Variants in RAB19 observed in about 807,000 individuals in gnomAD.
RAB19 encodes the protein RAB19, member RAS oncogene family.
A neutral mutation model predicts 17.3 loss-of-function variants in RAB19; 21 were observed. That is an observed-to-expected ratio of 1.21 (90% CI 0.86 to 1.74). RAB19 has a LOEUF of 1.74. Ranked by LOEUF, RAB19 falls within the 40% of genes most tolerant of loss-of-function variation. The probability of loss-of-function intolerance (pLI) is 0.00; values close to 1 mark genes in which losing one functional copy is unlikely to be tolerated. For synonymous variants in RAB19, 126 were observed against 110.4 expected, an observed-to-expected ratio of 1.14 and a Z score of -0.88; for missense variants, 277 against 286.8, an observed-to-expected ratio of 0.97 and a Z score of 0.25.
chr7:140,406,269 A>G (rs1165462828), intron 1 of RAB19, among the ~76,000 whole-genome samples: 20 of 143,840 alleles, frequency 1.4e-4, no homozygotes, highest in Non-Finnish European at 2.7e-4. Flanking sequence ...AAAAAAAAAA[A>G]GGAAATATAT....
chr7:140,409,374 AGAG>A (rs887177052), intron 2 of RAB19, among the ~76,000 whole-genome samples: 5 of 151,270 alleles, frequency 3.3e-5, no homozygotes, highest in African/African-American at 1.2e-4. Flanking sequence ...AAAAAAAGAA[AGAG>A]GTCAAATTTT....
At chr7:140,412,987 G>C (rs527660520) in intron 3 of RAB19, among the ~76,000 whole-genome samples, 3 of 151,902 alleles carry the variant, frequency 2.0e-5, no homozygotes, top group African/African-American at 7.3e-5. Flanking sequence ...TTAGCTGAGC[G>C]TGGTGGTGCA....
rs533471165 is a variant in RAB19 at position 140,407,921 on chromosome 7, C to T, written c.201+74C>T. 1.5e-4 allele frequency: 162 copies of T among 1,089,450 alleles called. 2 individuals carry two copies. In the East Asian group the frequency reaches 4.2e-3, roughly 28 times the overall value. The allele number at this position is 1,089,450 out of a possible 1,614,324, so 67.5% of individuals were successfully genotyped here. A position where few individuals can be genotyped will look rare whatever the true frequency, so the allele number is the denominator to read the frequency against. On this transcript the variant is annotated intron_variant, in intron 2 of 3. Transcript: ENST00000537763. ...TTTTTTTTTTTCCTTGAGACGGAGT[C>T]TCGCGCGATCTCGGCTCACTGCAAG...
At chr7:140,411,721 A>G in intron 2 of RAB19, 153 bp from the exon 3 acceptor site, 1 of 1,491,282 alleles carries the variant, frequency 6.7e-7, no homozygotes, top group South Asian at 1.4e-5. Context: ...AGCAACTGAA[A>G]GAATAGATCC....
chr7:140,420,933 C>T (rs188872262), intron 3 of RAB19, among the ~76,000 whole-genome samples: 2 of 152,152 alleles, frequency 1.3e-5, no homozygotes, highest in Non-Finnish European at 2.9e-5. Context: ...TGCTCTGTCG[C>T]CCAGGTTGGA....
chr7:140,414,154 C>A (rs1799414486), intron 3 of RAB19, among the ~76,000 whole-genome samples: 1 of 152,270 alleles, frequency 6.6e-6, no homozygotes, highest in African/African-American at 2.4e-5. Context: ...AAGCAATTCT[C>A]CTGCCTCAGC....
At chr7:140,415,141 C>G (rs1417404170) in intron 3 of RAB19, among the ~76,000 whole-genome samples, 1 of 151,132 alleles carries the variant, frequency 6.6e-6, no homozygotes, top group Non-Finnish European at 1.5e-5. Context: ...GTAGTGCAAT[C>G]TCGGCTCACT....
At chr7:140,418,881 G>C in intron 3 of RAB19, among the ~76,000 whole-genome samples, 1 of 147,594 alleles carries the variant, frequency 6.8e-6, no homozygotes, top group East Asian at 2.0e-4. Flanking sequence ...AAAGAATATT[G>C]CCAGCCCACT....
At chr7:140,418,875 A>C (rs1242755117) in intron 3 of RAB19, among the ~76,000 whole-genome samples, 1 of 145,764 alleles carries the variant, frequency 6.9e-6, no homozygotes, top group East Asian at 2.0e-4. Flanking sequence ...AAAAAAAAAG[A>C]ATATTGCCAG....
rs1799685662 is a variant in RAB19, at chr7:140,427,130, C to T, written c.*980C>T. On this transcript the variant is annotated 3_prime_UTR_variant, in exon 4 of 4. Coordinates refer to ENST00000537763, the MANE Select transcript of RAB19 (RefSeq NM_001008749.3). ...GTGCTGGGATTACAGGCATGAGCCA[C>T]CATGCCTGTTCTTTTTTTTTTTTTT... Among the ~76,000 whole-genome samples, 1 of 148,010 alleles carries T rather than the reference C, an allele frequency of 6.8e-6. No individual in the cohort carries two copies. The highest frequency in any genetic ancestry group is 2.5e-5 in the African/African-American group (1 of 39,930).
At chr7:140,407,444 G>A (rs1212240469) in intron 1 of RAB19, 180 bp from the exon 2 acceptor site, 2 of 563,790 alleles carry the variant, frequency 3.5e-6, no homozygotes, top group African/African-American at 1.9e-5. Context: ...CACCCCTAAA[G>A]TAAGATCAAC....
In RAB19 at chr7:140,427,673, A is replaced by G. The variant is rs1163069738; in HGVS notation, c.*1523A>G. 6.6e-6 allele frequency among the ~76,000 whole-genome samples: 1 copy of G among 151,654 alleles called. No individual in the cohort carries two copies. Among genetic ancestry groups the G allele is most frequent in the Non-Finnish European group, 1.5e-5 (1 of 67,964 alleles). On this transcript the variant is annotated 3_prime_UTR_variant, in exon 4 of 4. Coordinates refer to ENST00000537763, the MANE Select transcript of RAB19 (RefSeq NM_001008749.3). ...CACCACGTTGGCCAGGCTGGTCTCG[A>G]ACTCCTGACCTCATGATCCACCTGT... is the stretch of plus-strand genomic sequence containing the variant.
intron 2 of RAB19, among the ~76,000 whole-genome samples, chr7:140,410,585 C>T (rs1487796922): frequency 1.3e-5 from 2 of 152,048 alleles, no homozygotes; most frequent in African/African-American, 4.8e-5. Context: ...CTCGGCCTCC[C>T]AAAGTGCTGG....
intron 3 of RAB19, among the ~76,000 whole-genome samples, chr7:140,425,384 C>G (rs1799644620): frequency 6.6e-6 from 1 of 152,102 alleles, no homozygotes; most frequent in South Asian, 2.1e-4. Context: ...CTCCATCTCA[C>G]ACAGCATCCA....
Position 140,409,824 on chromosome 7 carries a change from T to G in RAB19, c.201+1977T>G, listed in dbSNP as rs185089988. Among the ~76,000 whole-genome samples, 464 of 151,740 alleles carry G rather than the reference T, an allele frequency of 3.1e-3. 5 individuals are homozygous for G. The highest frequency in any genetic ancestry group is 0.011 in the African/African-American group (449 of 41,370). On this transcript the variant is annotated intron_variant, in intron 2 of 3. Transcript: ENST00000537763. ...CTGGCTAACACGGTGAAACCCCGTC[T>G]CTACTAAAAATACAAAAAATCAGCC...
intron 3 of RAB19, 117 bp downstream of exon 3, chr7:140,412,174 G>A (rs998659256): frequency 2.8e-5 from 31 of 1,091,690 alleles, no homozygotes; most frequent in Non-Finnish European, 3.7e-5. Context: ...TGATGCAGCC[G>A]GGCACAGTGG....
At chr7:140,413,611 G>A (rs1799404890) in intron 3 of RAB19, among the ~76,000 whole-genome samples, 1 of 152,074 alleles carries the variant, frequency 6.6e-6, no homozygotes, top group Non-Finnish European at 1.5e-5. Flanking sequence ...TGGGGTGGGG[G>A]GAATCACTTG....
chr7:140,420,247 C>A (rs1483351328), intron 3 of RAB19, among the ~76,000 whole-genome samples: 1 of 151,984 alleles, frequency 6.6e-6, no homozygotes, highest in Admixed American at 6.6e-5. Context: ...ATGGCGAAAC[C>A]CCGTCTCTAC....
intron 3 of RAB19, among the ~76,000 whole-genome samples, chr7:140,412,654 C>A (rs934299164): frequency 6.6e-6 from 1 of 151,362 alleles, no homozygotes; most frequent in African/African-American, 2.4e-5. Flanking sequence ...AGGCATGAGC[C>A]ATTGTGCCTG....
Sources: allele counts gnomAD v4.1 joint callset (sites outside exome capture counted in the v4.1 genomes callset), GRCh38; gene constraint gnomAD v4.1.1; transcripts MANE v1.5; gene names NCBI Gene and HGNC (gene_info 2026-07-23, HGNC 2026-07-21).